GALNT9: variants seen among roughly 807,000 people sequenced by gnomAD.
The protein encoded by GALNT9 is GalNAc transferase 9.
A neutral mutation model predicts 63.1 loss-of-function variants in GALNT9; 47 were observed. That is an observed-to-expected ratio of 0.75 (90% CI 0.59 to 0.95). The LOEUF (loss-of-function observed/expected upper bound fraction) is 0.95. Ranked by LOEUF, GALNT9 falls within the 40% of genes least tolerant of loss-of-function variation. The pLI is 0.00. For missense variants in GALNT9, 829 were observed against 874.8 expected (o/e 0.95, Z 0.66); for synonymous variants, 396 against 365.7 (o/e 1.08, Z -0.94).
chr12:132,264,357 A>G (rs1299567701), intron 2 of GALNT9, among the ~76,000 whole-genome samples: 4 of 152,236 alleles, frequency 2.6e-5, no homozygotes, highest in African/African-American at 9.6e-5. Flanking sequence ...CAGCAGCAAC[A>G]TGAAGAAGCC....
chr12:132,262,792 C>A (rs782762465), intron 2 of GALNT9, among the ~76,000 whole-genome samples, 167 bp from the exon 3 acceptor site: 1 of 152,024 alleles, frequency 6.6e-6, no homozygotes, highest in Non-Finnish European at 1.5e-5. Flanking sequence ...GCAGGAGACA[C>A]GGTTTGGGGT....
chr12:132,288,344 AG>A (rs1248335821), intron 1 of GALNT9, among the ~76,000 whole-genome samples: 2 of 152,262 alleles, frequency 1.3e-5, no homozygotes, highest in African/African-American at 4.8e-5. Flanking sequence ...TGAAGGATAC[AG>A]ATTGGACGTA....
intron 1 of GALNT9, among the ~76,000 whole-genome samples, chr12:132,322,939 G>A (rs1018515109): frequency 3.9e-5 from 6 of 152,186 alleles, no homozygotes; most frequent in Non-Finnish European, 5.9e-5. Flanking sequence ...CGTCCCGTAC[G>A]GGAAAGCCCA....
chr12:132,252,238 G>A lies in GALNT9; in HGVS notation c.960-4211C>T, dbSNP rs1471580662. 1.3e-5 allele frequency among the ~76,000 whole-genome samples: 2 copies of A among 152,190 alleles called. No homozygotes were observed. On this transcript the variant is annotated intron_variant, in intron 5 of 10. Coordinates refer to ENST00000328957, the MANE Select transcript of GALNT9 (RefSeq NM_001122636.2). The surrounding 1 kb of genome is among the most constrained non-coding windows in gnomAD (Gnocchi z 5.2). ...TGCAGGGAGCAAAGAGGCCTCCAAA[G>A]ATGAGCCACAGGCGGCTGTGAACGC...
chr12:132,286,424 G>C lies in GALNT9; in HGVS notation c.245C>G (p.Ala82Gly), dbSNP rs1555242203. The C allele has an allele frequency of 3.2e-6, 5 of 1,549,504 alleles. No homozygotes were observed. The highest frequency in any genetic ancestry group is 4.4e-6 in the Non-Finnish European group (5 of 1,146,428). Reference protein sequence around the residue: ...EVVYNQLNGLAKPIGLVEGPG... With the variant: ...EVVYNQLNGLGKPIGLVEGPG... ...CCCCTCCACCAGGCCGATGGGCTTGGCAAGGCCTGGGGGAAAGGAAGAGAG... is the reference window on the plus strand; with the variant it reads ...CCCCTCCACCAGGCCGATGGGCTTGCCAAGGCCTGGGGGAAAGGAAGAGAG... The change falls in exon 2 of 11, where the codon GCC becomes GGC. Residue 82 changes from alanine to glycine, a missense_variant. Coordinates refer to ENST00000328957, the MANE Select transcript of GALNT9 (RefSeq NM_001122636.2). This position sits in a 1 kb window ranked among gnomAD's most constrained non-coding sequence, Gnocchi z 7.4.
At position 132,261,263 on chromosome 12, in the gene GALNT9, G is replaced by A. The variant is rs1214681119; in HGVS notation, c.587-141C>T. 9.1e-6 allele frequency: 12 copies of A among 1,322,942 alleles called. No individual in the cohort carries two copies. The East Asian group carries it at 2.7e-4, about 30-fold the overall frequency. The allele number at this position is 1,322,942 out of a possible 1,614,324, so 82.0% of individuals were successfully genotyped here. ...TCTTAGGACCCACTGAACCACATGT[G>A]GTTCAGCGTGGAGGTCACAGAGAGA... On this transcript the variant is annotated intron_variant, in intron 3 of 10. Coordinates refer to ENST00000328957, the MANE Select transcript of GALNT9 (RefSeq NM_001122636.2).
chr12:132,202,677 CCGTTTCT>C (rs1485713449), intron 7 of GALNT9, among the ~76,000 whole-genome samples: 57 of 152,058 alleles, frequency 3.7e-4, no homozygotes, highest in African/African-American at 1.4e-3. Context: ...GCAGACAAGC[CCGTTTCT>C]AAGATGAGCC....
intron 5 of GALNT9, among the ~76,000 whole-genome samples, chr12:132,249,731 A>G (rs538954794): frequency 3.9e-5 from 6 of 152,256 alleles, no homozygotes; most frequent in Non-Finnish European, 7.3e-5. Flanking sequence ...GTTCTAAAAT[A>G]AAGCCCATGA....
intron 6 of GALNT9, chr12:132,205,378 G>A (rs7485305): frequency 0.48 from 72,831 of 151,876 alleles, 18,344 homozygotes; most frequent in Non-Finnish European, 0.56. Flanking sequence ...CTCCGACACC[G>A]CCCACCGCAG....
chr12:132,267,566 T>C (rs1879648650), intron 2 of GALNT9, among the ~76,000 whole-genome samples: 1 of 152,166 alleles, frequency 6.6e-6, no homozygotes, highest in African/African-American at 2.4e-5. Flanking sequence ...GCCAAAGCAA[T>C]CTTGAAAAAG....
chr12:132,282,403 G>A lies in GALNT9; in HGVS notation c.419+3847C>T, dbSNP rs928836626. ...GAAAAAACTAAAAATACGTGTGTGC[G>A]CGTGTGTGCGTGTGTGTGCGTGTGT... is the stretch of plus-strand genomic sequence containing the variant. On this transcript the variant is annotated intron_variant, in intron 2 of 10. Coordinates refer to ENST00000328957, the MANE Select transcript of GALNT9 (RefSeq NM_001122636.2). The surrounding 1 kb of genome is among the most constrained non-coding windows in gnomAD (Gnocchi z 4.5). Among the ~76,000 whole-genome samples the A allele has an allele frequency of 1.1e-4, 17 of 149,238 alleles. No individual in the cohort carries two copies. Among genetic ancestry groups the A allele is most frequent in the Admixed American group, 2.0e-4 (3 of 15,166 alleles).
intron 6 of GALNT9, among the ~76,000 whole-genome samples, chr12:132,209,527 G>C (rs1183898054): frequency 6.6e-6 from 1 of 152,158 alleles, no homozygotes; most frequent in Admixed American, 6.5e-5. Flanking sequence ...TCCAGCCTGA[G>C]TGACAGAGCA....
intron 6 of GALNT9, among the ~76,000 whole-genome samples, chr12:132,217,062 C>T (rs573943911): frequency 6.6e-6 from 1 of 152,290 alleles, no homozygotes; most frequent in African/African-American, 2.4e-5. Context: ...AAGCCCACCT[C>T]TCTTCCATTT....
chr12:132,229,119 C>A (rs1008518496), intron 6 of GALNT9, among the ~76,000 whole-genome samples: 8 of 152,168 alleles, frequency 5.3e-5, no homozygotes, highest in Non-Finnish European at 1.2e-4. Context: ...AGTCTCAGGG[C>A]GGCAGAGCCT....
intron 1 of GALNT9, among the ~76,000 whole-genome samples, chr12:132,294,297 T>G (rs1880969434): frequency 1.3e-5 from 2 of 152,222 alleles, no homozygotes; most frequent in Admixed American, 6.5e-5. Flanking sequence ...GCCCCCAGCC[T>G]GTGCCCCTGA....
At chr12:132,221,399 G>A (rs1358184038) in intron 6 of GALNT9, among the ~76,000 whole-genome samples, 1 of 135,754 alleles carries the variant, frequency 7.4e-6, no homozygotes, top group African/African-American at 2.8e-5. Flanking sequence ...GATGGCTCAT[G>A]CCTGTAATCC....
intron 1 of GALNT9, among the ~76,000 whole-genome samples, chr12:132,298,086 C>G (rs1470142847): frequency 2.6e-5 from 4 of 152,130 alleles, no homozygotes; most frequent in African/African-American, 9.7e-5. Flanking sequence ...CAATAACCAA[C>G]TAACTCCTGA....
intron 1 of GALNT9, among the ~76,000 whole-genome samples, chr12:132,291,601 CCACCCACCTCCACAG>C (rs1466453386): frequency 1.2e-5 from 1 of 85,472 alleles, no homozygotes; most frequent in South Asian, 3.4e-4. Flanking sequence ...CACATCCACA[CCACCCACCTCCACAG>C]CACCCACGTC....
Position 132,201,104 on chromosome 12 carries a change from G to C in GALNT9, c.1401+20C>G. The C allele has an allele frequency of 1.2e-6, 2 of 1,609,608 alleles. No individual in the cohort carries two copies. Among genetic ancestry groups the C allele is most frequent in the Non-Finnish European group, 1.7e-6 (2 of 1,177,328 alleles). ...CAGAAAGCCTGTCGGGCCGAACGGG[G>C]CCCTCGGGGGAGGTGCTACCTCTCC... is the stretch of plus-strand genomic sequence containing the variant. On this transcript the variant is annotated intron_variant, in intron 8 of 10. Transcript: ENST00000328957.
Sources: allele counts gnomAD v4.1 joint callset (sites outside exome capture counted in the v4.1 genomes callset), GRCh38; gene constraint gnomAD v4.1.1; non-coding constraint Gnocchi (gnomAD v3.1); transcripts MANE v1.5; gene names NCBI Gene and HGNC (gene_info 2026-07-23, HGNC 2026-07-21).